Variants in IDUA observed in about 807,000 individuals in gnomAD.
IDUA encodes the protein alpha-L-iduronidase.
IDUA carries 65 observed loss-of-function variants against 68.9 expected under a neutral mutation model. The ratio of observed to expected loss-of-function variants is 0.94; its 90% confidence interval spans 0.77 to 1.16. The LOEUF is 1.16. Ranked by LOEUF, IDUA falls within the 50% of genes most tolerant of loss-of-function variation. The pLI, the probability that IDUA is intolerant of heterozygous loss-of-function variation, is 0.00. For missense variants in IDUA, 1,046 were observed against 938.0 expected (o/e 1.12, Z -1.50); for synonymous variants, 529 against 433.6 (o/e 1.22, Z -2.73).
chr4:988,420 G>C (rs1024485682), intron 2 of IDUA: 23 of 1,066,902 alleles, frequency 2.2e-5, no homozygotes, highest in Non-Finnish European at 2.6e-5. Context: ...GGCCAGAGCC[G>C]CTGGCTCCTA....
rs779448832 is a variant in IDUA at position 1,002,017 on chromosome 4, G to A, written c.828G>A (p.Glu276=). 2 of 1,597,052 alleles carry A rather than the reference G, an allele frequency of 1.3e-6. No homozygotes were observed. Among genetic ancestry groups the A allele is most frequent in the Non-Finnish European group, 1.7e-6 (2 of 1,173,582 alleles). Residue 276 remains glutamate (E), a synonymous_variant, in exon 7 of 14, where the codon GAG becomes GAA. Transcript: ENST00000514224. The part of the protein sequence containing the change: ...ARSSISILEQ[E]KVVAQQIRQL... ...GCTCCATCTCCATCCTGGAGCAGGA[G>A]AAGGTCGTCGCGCAGCAGATCCGGC...
At chr4:991,207 G>A (rs1338985350) in intron 2 of IDUA, 2 of 1,605,190 alleles carry the variant, frequency 1.2e-6, no homozygotes, top group East Asian at 2.2e-5. Context: ...CAGCATGGCA[G>A]CCGAGCCGTT....
chr4:1,000,996 G>A lies in IDUA; in HGVS notation c.493+7G>A, dbSNP rs200509712. On this transcript the variant is annotated splice_region_variant and intron_variant, in intron 4 of 13. Coordinates refer to ENST00000514224, the MANE Select transcript of IDUA (RefSeq NM_000203.5). ...CTGGCCAGGAGATACATCGGTGGGC[G>A]AGCGCAGGCCCTGGGGCCCTGGCCG... is the stretch of plus-strand genomic sequence containing the variant. 2.5e-4 allele frequency: 397 copies of A among 1,599,524 alleles called. 1 individual carries two copies. The highest frequency in any genetic ancestry group is 1.6e-3 in the African/African-American group (116 of 74,780).
chr4:1,001,117 G>C (rs1715046154), intron 4 of IDUA, 128 bp downstream of exon 4: 1 of 716,592 alleles, frequency 1.4e-6, no homozygotes, highest in Non-Finnish European at 2.4e-6. Context: ...CCTTGTGGGG[G>C]GATGGGGGTG....
chr4:988,673 C>T (rs1713945573), intron 2 of IDUA: 40 of 1,415,180 alleles, frequency 2.8e-5, no homozygotes, highest in Non-Finnish European at 3.7e-5. Context: ...CAGAGGGCCT[C>T]CTTTCCCAGT....
intron 2 of IDUA, chr4:988,950 G>T: frequency 6.3e-7 from 1 of 1,596,262 alleles, no homozygotes; most frequent in East Asian, 2.3e-5. Flanking sequence ...GGCCCTCCCC[G>T]AGGAAGCCTC....
Position 1,001,843 on chromosome 4 carries a change from G to A in IDUA, c.754G>A (p.Ala252Thr), listed in dbSNP as rs1180708654. Residue 252 changes from alanine (A) to threonine (T), a missense_variant, in exon 6 of 14, where the codon GCG (alanine) becomes ACG (threonine). Coordinates refer to ENST00000514224, the MANE Select transcript of IDUA (RefSeq NM_000203.5). ...CGGTACCAACTTCTTCACTGGGGAG[G>A]CGGGCGTGCGGCTGGACTACATCTC... ...HDGTNFFTGE[A>T]GVRLDYISLH... 3 of 1,599,500 alleles carry A rather than the reference G, an allele frequency of 1.9e-6. No individual in the cohort carries two copies. Among genetic ancestry groups the A allele is most frequent in the Non-Finnish European group, 2.6e-6 (3 of 1,174,716 alleles).
At chr4:989,868 G>C in intron 2 of IDUA, 1 of 1,575,602 alleles carries the variant, frequency 6.3e-7, no homozygotes, top group Non-Finnish European at 8.6e-7. Flanking sequence ...CCGCCAGCGA[G>C]ATGGAGAAGG....
At chr4:991,683 A>C in intron 2 of IDUA, 1 of 1,532,222 alleles carries the variant, frequency 6.5e-7, no homozygotes, top group Non-Finnish European at 8.7e-7. Context: ...CCTGCTGCAG[A>C]GGCTCAGGGG....
At chr4:988,371 T>C in intron 2 of IDUA, 2 of 1,059,948 alleles carry the variant, frequency 1.9e-6, no homozygotes, top group Non-Finnish European at 2.3e-6. Flanking sequence ...CACTTGGGTG[T>C]GTGGGGCCTT....
intron 4 of IDUA, 76 bp downstream of exon 4, chr4:1,001,065 C>T: frequency 2.0e-6 from 2 of 1,009,082 alleles, no homozygotes; most frequent in Non-Finnish European, 3.1e-6. Flanking sequence ...ATCACGCAGG[C>T]TGCTGCCTGG....
rs953143039 is a variant in IDUA at position 988,458 on chromosome 4, G to A, written c.299+509G>A. 1.1e-5 allele frequency: 12 copies of A among 1,104,506 alleles called. No individual in the cohort carries two copies. The South Asian group carries it at 3.8e-4, about 35-fold the overall frequency. The allele number at this position is 1,104,506 out of a possible 1,614,324, so 68.4% of individuals were successfully genotyped here. A position where few individuals can be genotyped will look rare whatever the true frequency, so the allele number is the denominator to read the frequency against. Reference sequence around the variant, plus strand: ...AGCAGGGTGGGCACCGGGCAGGCCTGGGCATAGGGAGTCCTCTTGGCACCT... The same window carrying A: ...AGCAGGGTGGGCACCGGGCAGGCCTAGGCATAGGGAGTCCTCTTGGCACCT... On this transcript the variant is annotated intron_variant, in intron 2 of 13. Coordinates refer to ENST00000514224, the MANE Select transcript of IDUA (RefSeq NM_000203.5).
At chr4:988,849 G>A (rs757960440) in intron 2 of IDUA, 17 of 1,601,652 alleles carry the variant, frequency 1.1e-5, no homozygotes, top group Middle Eastern at 3.4e-4. Context: ...ATGGGCATCG[G>A]TGGCCTCCAG....
chr4:988,694 C>T (rs531978423), intron 2 of IDUA: 26 of 1,413,020 alleles, frequency 1.8e-5, no homozygotes, highest in Middle Eastern at 2.6e-4. Flanking sequence ...TGGGGTTCCC[C>T]GGTTTCCCCA....
At position 989,185 on chromosome 4, in the gene IDUA, C is replaced by T. The variant is rs749395508; in HGVS notation, c.299+1236C>T. The T allele has an allele frequency of 2.9e-5, 47 of 1,607,342 alleles. No individual in the cohort carries two copies. The highest frequency in any genetic ancestry group is 3.5e-5 in the Non-Finnish European group (41 of 1,176,392). ...CAGGTCCTCGCCCTGGGCAGGGCCT[C>T]CCTCACCGACCCCCGTCTCTGAGCC... is the stretch of plus-strand genomic sequence containing the variant. On this transcript the variant is annotated intron_variant, in intron 2 of 13. Transcript: ENST00000514224.
chr4:990,126 C>G, intron 2 of IDUA: 1 of 1,576,682 alleles, frequency 6.3e-7, no homozygotes, highest in Non-Finnish European at 8.6e-7. Flanking sequence ...GCAGCACCGC[C>G]AGGCACACCG....
In IDUA at chr4:1,004,394, G is replaced by C. The variant is rs751569705; in HGVS notation, c.*1G>C. ...GCCCCCATCCCCGGGCAATCCATGA[G>C]CCTGTGCTGAGCCCCAGTGGGTTGC... On this transcript the variant is annotated 3_prime_UTR_variant, in exon 14 of 14. Coordinates refer to ENST00000514224, the MANE Select transcript of IDUA (RefSeq NM_000203.5). This position sits in a 1 kb window ranked among gnomAD's most constrained non-coding sequence, Gnocchi z 5.0. 5 of 1,609,992 alleles carry C rather than the reference G, an allele frequency of 3.1e-6. No homozygotes were observed. The highest frequency in any genetic ancestry group is 1.3e-5 in the African/African-American group (1 of 74,888).
rs748561401 is a variant in IDUA, at chr4:989,653, GCCAGCAGCA to G, written c.299+1717_299+1725del. 108 of 1,588,534 alleles carry G rather than the reference GCCAGCAGCA, an allele frequency of 6.8e-5. No homozygotes were observed. The highest frequency in any genetic ancestry group is 7.5e-5 in the Non-Finnish European group (88 of 1,168,896). On this transcript the variant is annotated intron_variant, in intron 2 of 13. Coordinates refer to ENST00000514224, the MANE Select transcript of IDUA (RefSeq NM_000203.5). ...TAGGTCGTGGAACAGCGGTGCCAGCGCCAGCAGCACCAGCAGCACCACGGTGGCGCTGAC... is the reference window on the plus strand; with the variant it reads ...TAGGTCGTGGAACAGCGGTGCCAGCGCCAGCAGCACCACGGTGGCGCTGAC...
chr4:1,003,861 T>A, intron 12 of IDUA, 151 bp from the exon 13 acceptor site: 1 of 839,112 alleles, frequency 1.2e-6, no homozygotes, highest in Non-Finnish European at 2.1e-6. Context: ...AGCCCTCTCC[T>A]GCCTGGGCAG....
Sources: allele counts gnomAD v4.1 joint callset, GRCh38; gene constraint gnomAD v4.1.1; non-coding constraint Gnocchi (gnomAD v3.1); transcripts MANE v1.5; gene names NCBI Gene and HGNC (gene_info 2026-07-23, HGNC 2026-07-21).